The following ZNF180 variants were observed in gnomAD, a reference collection of about 807,000 sequenced individuals.
ZNF180 encodes zinc finger protein 180, also known as zinc finger protein 180 (HHZ168).
A neutral mutation model predicts 11.8 loss-of-function variants in ZNF180; 11 were observed. That is an observed-to-expected ratio of 0.93 (90% CI 0.59 to 1.55). The LOEUF (loss-of-function observed/expected upper bound fraction) is 1.55. ZNF180 is among the 40% of genes most tolerant of loss of function. The pLI is 0.00. For synonymous variants in ZNF180, 287 were observed against 257.7 expected (o/e 1.11, Z -1.09); for missense variants, 773 against 781.7 (o/e 0.99, Z 0.13).
chr19:44,478,177 CA>C, intron 4 of ZNF180, 31 bp from the exon 5 acceptor site: 3 of 1,488,462 alleles, frequency 2.0e-6, no homozygotes, highest in South Asian at 2.8e-5. Context: ...ACATCTTAGT[CA>C]AAAAATATTA....
intron 4 of ZNF180, among the ~76,000 whole-genome samples, chr19:44,478,441 T>C (rs954402901): frequency 1.3e-5 from 2 of 152,212 alleles, no homozygotes; most frequent in Non-Finnish European, 2.9e-5. Context: ...ATCATCTACA[T>C]AGAACCTACA....
At chr19:44,489,167 C>G (rs1970348724) in intron 2 of ZNF180, among the ~76,000 whole-genome samples, 1 of 130,208 alleles carries the variant, frequency 7.7e-6, no homozygotes, top group African/African-American at 2.8e-5. Flanking sequence ...GGCCAGCCCC[C>G]CGCCGGGCCA....
At position 44,477,189 on chromosome 19, in the gene ZNF180, T is replaced by C. The variant is rs777567420; in HGVS notation, c.1211A>G (p.His404Arg). ...GCATTCATAAGGCTTCTCCCCAGTA[T>C]GAGTTCTTTGATGCACAACAAGGAC... ...SYVLVVHQRT[H>R]TGEKPYECNQ... The change falls in exon 5 of 5, where the codon CAT becomes CGT. Residue 404 changes from histidine (H) to arginine (R), a missense_variant. His to Arg is a conservative substitution (Grantham distance 29, BLOSUM62 0). Coordinates refer to ENST00000592529, the MANE Select transcript of ZNF180 (RefSeq NM_001278509.3). The C allele has an allele frequency of 3.1e-6, 5 of 1,613,426 alleles. No individual in the cohort carries two copies. Among genetic ancestry groups the C allele is most frequent in the Admixed American group, 1.7e-5 (1 of 60,004 alleles).
rs1423312899 is a variant in ZNF180, at chr19:44,475,593, G to C, written c.*809C>G. On this transcript the variant is annotated 3_prime_UTR_variant, in exon 5 of 5. Transcript: ENST00000592529. ...CCTGAGGGATCTTTGCTATTTGGTT[G>C]CTTAGTCTTTCCTAAATAGTCAAAG... The C allele has an allele frequency of 6.6e-6, 1 of 152,126 alleles. No homozygotes were observed. The highest frequency in any genetic ancestry group is 2.4e-5 in the African/African-American group (1 of 41,416). The allele number at this position is 152,126 out of a possible 1,614,324, so 9.4% of individuals were successfully genotyped here.
chr19:44,497,770 A>G (rs1970630155), intron 1 of ZNF180, among the ~76,000 whole-genome samples: 1 of 151,776 alleles, frequency 6.6e-6, no homozygotes, highest in Non-Finnish European at 1.5e-5. Context: ...ACCCCATCCT[A>G]CCCCTACCAA....
intron 1 of ZNF180, among the ~76,000 whole-genome samples, chr19:44,499,343 C>T (rs919982377): frequency 1.3e-5 from 2 of 152,324 alleles, no homozygotes; most frequent in Non-Finnish European, 2.9e-5. Flanking sequence ...CATTCTCACG[C>T]CTGCAAATAG....
In ZNF180 at chr19:44,476,855, A is replaced by T. The variant is rs771057288; in HGVS notation, c.1545T>A (p.Thr515=). 5 of 1,614,008 alleles carry T rather than the reference A, an allele frequency of 3.1e-6. No individual in the cohort carries two copies. In the African/African-American group the frequency reaches 6.7e-5, roughly 22 times the overall value. ...ATTCATACGGTTTCTCTCCAGTGTG[A>T]GTTCTTTGATGTGCAACAAGCTGAG... ...WSSQLVAHQR[T]HTGEKPYECS... is the part of the protein sequence containing the mutation. Residue 515 remains threonine, a synonymous_variant, in exon 5 of 5, where the codon ACT becomes ACA. Coordinates refer to ENST00000592529, the MANE Select transcript of ZNF180 (RefSeq NM_001278509.3).
At chr19:44,485,872 ATTCTT>A (rs1970216116) in intron 2 of ZNF180, among the ~76,000 whole-genome samples, 1 of 152,208 alleles carries the variant, frequency 6.6e-6, no homozygotes, top group African/African-American at 2.4e-5. Flanking sequence ...TTTTATGTAC[ATTCTT>A]TTATTTTTGT....
rs1264292903 is a variant in ZNF180, at chr19:44,474,512, CATCTA to C, written c.*1885_*1889del. 6.6e-6 allele frequency: 1 copy of C among 152,100 alleles called. No individual in the cohort carries two copies. Among genetic ancestry groups the C allele is most frequent in the Non-Finnish European group, 1.5e-5 (1 of 68,020 alleles). The allele number at this position is 152,100 out of a possible 1,614,324, so 9.4% of individuals were successfully genotyped here. ...TATAACACTCAAAACATCATTAAAC[CATCTA>C]ATCTAATATTCGACCATATCATTTC... is the stretch of plus-strand genomic sequence containing the variant. On this transcript the variant is annotated 3_prime_UTR_variant, in exon 5 of 5. Transcript: ENST00000592529.
rs1338147119 is a variant in ZNF180 at position 44,500,323 on chromosome 19, G to A, written c.-92C>T. On this transcript the variant is annotated 5_prime_UTR_variant, in exon 1 of 5. Coordinates refer to ENST00000592529, the MANE Select transcript of ZNF180 (RefSeq NM_001278509.3). ...CCAGGCTGGGCCTGTCACCGCCTCA[G>A]TGCCTAGCACGGCTCTGCGGCAGGA... is the stretch of plus-strand genomic sequence containing the variant. 7 of 1,568,008 alleles carry A rather than the reference G, an allele frequency of 4.5e-6. No individual in the cohort carries two copies. The highest frequency in any genetic ancestry group is 6.1e-6 in the Non-Finnish European group (7 of 1,143,444).
rs866417317 is a variant in ZNF180, at chr19:44,477,031, G to C, written c.1369C>G (p.Gln457Glu). The change falls in exon 5 of 5, where the codon CAA becomes GAA. Residue 457 changes from glutamine (Q) to glutamate (E), a missense_variant. Coordinates refer to ENST00000592529, the MANE Select transcript of ZNF180 (RefSeq NM_001278509.3). ...FIQSYKLIAH[Q>E]RIHTGEKPYE... Reference sequence around the variant, plus strand: ...GGTTTTTCCCCAGTATGAATTCTTTGATGTGCAATAAGTTTATAGCTCTGG... The same window carrying C: ...GGTTTTTCCCCAGTATGAATTCTTTCATGTGCAATAAGTTTATAGCTCTGG... 1 of 1,613,850 alleles carries C rather than the reference G, an allele frequency of 6.2e-7. No homozygotes were observed. Among genetic ancestry groups the C allele is most frequent in the South Asian group, 1.1e-5 (1 of 91,062 alleles).
Position 44,476,279 on chromosome 19 carries a change from A to G in ZNF180, c.*123T>C, listed in dbSNP as rs1463471316. On this transcript the variant is annotated 3_prime_UTR_variant, in exon 5 of 5. Coordinates refer to ENST00000592529, the MANE Select transcript of ZNF180 (RefSeq NM_001278509.3). Reference sequence around the variant, plus strand: ...CAAATTTGAGACACACAATTAACAGAGGGCTGGAAGTTTTCCCACATATAT... The same window carrying G: ...CAAATTTGAGACACACAATTAACAGGGGGCTGGAAGTTTTCCCACATATAT... The G allele has an allele frequency of 2.4e-5, 23 of 939,896 alleles. No homozygotes were observed. In the East Asian group the frequency reaches 6.1e-4, roughly 25 times the overall value. 58.2% of individuals were successfully genotyped at this position (939,896 alleles called of 1,614,324 possible).
chr19:44,483,529 T>G (rs529886121), intron 3 of ZNF180, among the ~76,000 whole-genome samples: 1 of 152,330 alleles, frequency 6.6e-6, no homozygotes, highest in East Asian at 1.9e-4. Flanking sequence ...TCCTATTACA[T>G]TTACTGGAGC....
At chr19:44,478,238 T>C in intron 4 of ZNF180, 92 bp from the exon 5 acceptor site, 2 of 1,333,034 alleles carry the variant, frequency 1.5e-6, no homozygotes, top group Non-Finnish European at 2.0e-6. Flanking sequence ...AAAATATATA[T>C]GAATTTGTTT....
chr19:44,474,763 TC>T lies in ZNF180; in HGVS notation c.*1638del, dbSNP rs1456694091. On this transcript the variant is annotated 3_prime_UTR_variant, in exon 5 of 5. Transcript: ENST00000592529. ...AGGCCTGGAGCCTGGAACACATCCT[TC>T]CCAAGAGATACTGAACCTCTTTCAG... The T allele has an allele frequency of 6.6e-6, 1 of 152,220 alleles. No individual in the cohort carries two copies. The highest frequency in any genetic ancestry group is 2.4e-5 in the African/African-American group (1 of 41,450). 9.4% of individuals were successfully genotyped at this position (152,220 alleles called of 1,614,324 possible).
intron 3 of ZNF180, among the ~76,000 whole-genome samples, chr19:44,482,036 C>T (rs536289880): frequency 2.0e-5 from 3 of 152,270 alleles, no homozygotes; most frequent in East Asian, 3.9e-4. Flanking sequence ...ATGGGTAGGG[C>T]GGCTCATGCC....
chr19:44,500,179 G>A, intron 1 of ZNF180, 96 bp downstream of exon 1: 5 of 1,614,118 alleles, frequency 3.1e-6, no homozygotes, highest in Non-Finnish European at 2.5e-6. Context: ...CAGATACCAG[G>A]TCTCCCCGCT....
intron 2 of ZNF180, chr19:44,496,782 T>C (rs1461165342): frequency 2.6e-5 from 4 of 152,062 alleles, no homozygotes; most frequent in Admixed American, 2.6e-4. Context: ...GCTATATTTA[T>C]AGTCTTCTAA....
In ZNF180 at chr19:44,489,187, TCTGGG is replaced by T. The variant is rs1970350701; in HGVS notation, c.52-4757_52-4753del. On this transcript the variant is annotated intron_variant, in intron 2 of 4. Coordinates refer to ENST00000592529, the MANE Select transcript of ZNF180 (RefSeq NM_001278509.3). ...GCCCCCCGCCGGGCCAGCCGCCCCG[TCTGGG>T]AGGTGAGGGGCGCCTCTGCCCGGCC... Among the ~76,000 whole-genome samples, 21 of 55,872 alleles carry T rather than the reference TCTGGG, an allele frequency of 3.8e-4. No individual in the cohort carries two copies. The South Asian group carries it at 0.013, about 34-fold the overall frequency. 36.7% of individuals were successfully genotyped at this position (55,872 alleles called of 152,430 possible).
Sources: gnomAD v4.1 joint callset for allele counts (sites outside exome capture counted in the v4.1 genomes callset) on GRCh38, gnomAD v4.1.1 for gene constraint, MANE v1.5 for transcripts, NCBI Gene and HGNC (gene_info 2026-07-23, HGNC 2026-07-21) for gene names.